PHTF2: variants seen among roughly 807,000 people sequenced by gnomAD.
PHTF2 encodes the protein putative homeodomain transcription factor 2.
A neutral mutation model predicts 101.2 loss-of-function variants in PHTF2; 60 were observed. The observed-to-expected ratio is 0.59, with a 90% CI of 0.48 to 0.73. The LOEUF (loss-of-function observed/expected upper bound fraction) is 0.73. Ranked by LOEUF, PHTF2 falls within the 30% of genes least tolerant of loss-of-function variation. The pLI is 0.00. For missense variants in PHTF2, 747 were observed against 908.7 expected, an observed-to-expected ratio of 0.82 and a Z score of 2.29; for synonymous variants, 311 against 307.3, an observed-to-expected ratio of 1.01 and a Z score of -0.13.
At chr7:77,935,136 C>G (rs1047744124) in intron 12 of PHTF2, among the ~76,000 whole-genome samples, 1 of 137,152 alleles carries the variant, frequency 7.3e-6, no homozygotes, top group Non-Finnish European at 1.6e-5. Context: ...CCCCCACACA[C>G]ACACACAGAG....
intron 3 of PHTF2, among the ~76,000 whole-genome samples, chr7:77,865,236 T>TAA (rs1330701630): frequency 6.6e-6 from 1 of 151,956 alleles, no homozygotes. Context: ...CTTTTTTCTT[T>TAA]TTTTTTTTAG....
rs58290945 is a variant in PHTF2 at position 77,925,495 on chromosome 7, G to GTTTT, written c.1119+2745_1119+2748dup. Among the ~76,000 whole-genome samples the GTTTT allele has an allele frequency of 1.2e-3, 87 of 73,168 alleles. 4 individuals are homozygous for GTTTT. The highest frequency in any genetic ancestry group is 3.5e-3 in the African/African-American group (60 of 17,302). The allele number at this position is 73,168 out of a possible 152,430, so 48.0% of individuals were successfully genotyped here. A position where few individuals can be genotyped will look rare whatever the true frequency, so the allele number is the denominator to read the frequency against. ...GCAATTATAGGCAATAGTTTTTAGGGTTTTTTTTTTTTTTTTTTTTTTTTT... is the reference window on the plus strand; with the variant it reads ...GCAATTATAGGCAATAGTTTTTAGGGTTTTTTTTTTTTTTTTTTTTTTTTTTTTT... On this transcript the variant is annotated intron_variant, in intron 11 of 19. Coordinates refer to ENST00000416283, the Ensembl canonical transcript of PHTF2.
chr7:77,844,548 C>A (rs145862101), intron 2 of PHTF2, among the ~76,000 whole-genome samples: 128 of 152,250 alleles, frequency 8.4e-4, no homozygotes, highest in Middle Eastern at 3.4e-3. Context: ...TTTGTTGAGA[C>A]AGAGTTTCAC....
Position 77,924,100 on chromosome 7 carries a change from T to C in PHTF2, c.1119+1322T>C, listed in dbSNP as rs566291009. 212 of 963,898 alleles carry C rather than the reference T, an allele frequency of 2.2e-4. No individual in the cohort carries two copies. The African/African-American group carries it at 3.4e-3, about 16-fold the overall frequency. 59.7% of individuals were successfully genotyped at this position (963,898 alleles called of 1,614,324 possible). A position where few individuals can be genotyped will look rare whatever the true frequency, so the allele number is the denominator to read the frequency against. On this transcript the variant is annotated intron_variant, in intron 11 of 19. Transcript: ENST00000416283. ...AAAGCTGCATTCAGTTCTCAAAAAT[T>C]TTTACTCTTAAACCAGCTTTAAAGG... is the stretch of plus-strand genomic sequence containing the variant.
At chr7:77,866,693 G>A (rs993334871) in intron 3 of PHTF2, among the ~76,000 whole-genome samples, 1 of 152,046 alleles carries the variant, frequency 6.6e-6, no homozygotes, top group African/African-American at 2.4e-5. Flanking sequence ...TGAATGAATA[G>A]CAATAATATG....
At chr7:77,846,450 A>G (rs1584472575) in intron 2 of PHTF2, among the ~76,000 whole-genome samples, 1 of 152,346 alleles carries the variant, frequency 6.6e-6, no homozygotes, top group East Asian at 1.9e-4. Flanking sequence ...CATATATTAA[A>G]TAACACAGTA....
intron 1 of PHTF2, among the ~76,000 whole-genome samples, chr7:77,809,891 TG>T (rs1446951015): frequency 1.4e-4 from 22 of 152,144 alleles, no homozygotes; most frequent in African/African-American, 5.1e-4. Context: ...TTGGTAAAAT[TG>T]AAGCACCGGG....
intron 2 of PHTF2, among the ~76,000 whole-genome samples, chr7:77,843,788 A>T (rs1281779810): frequency 6.6e-6 from 1 of 152,208 alleles, no homozygotes; most frequent in East Asian, 1.9e-4. Flanking sequence ...AAATGTATAC[A>T]ATATACATAT....
chr7:77,920,723 C>T (rs1316575032), intron 10 of PHTF2, among the ~76,000 whole-genome samples: 1 of 152,132 alleles, frequency 6.6e-6, no homozygotes, highest in African/African-American at 2.4e-5. Context: ...ACTCTGTTAT[C>T]CAGGCTGGAG....
intron 3 of PHTF2, among the ~76,000 whole-genome samples, chr7:77,877,697 A>G (rs1344710760): frequency 6.6e-6 from 1 of 152,182 alleles, no homozygotes; most frequent in Non-Finnish European, 1.5e-5. Flanking sequence ...TTCTGCTTCT[A>G]CTTTTCACCA....
At position 77,943,915 on chromosome 7, in the gene PHTF2, G is replaced by A. The variant is rs531844166; in HGVS notation, c.1959+1129G>A. 3.3e-5 allele frequency among the ~76,000 whole-genome samples: 5 copies of A among 152,148 alleles called. No homozygotes were observed. The East Asian group carries it at 9.7e-4, about 29-fold the overall frequency. ...CGCCTGTAATCCCAGCTATTCAGGA[G>A]GCTGAGGCATGAGAATTGCTTGAAC... is the stretch of plus-strand genomic sequence containing the variant. On this transcript the variant is annotated intron_variant, in intron 16 of 19. Transcript: ENST00000416283.
chr7:77,938,019 C>A, intron 13 of PHTF2, 181 bp downstream of exon 12: 1 of 266,430 alleles, frequency 3.8e-6, no homozygotes, highest in Non-Finnish European at 7.1e-6. Context: ...CCAAACCACT[C>A]TCATCTTCTA....
At chr7:77,907,278 CTTACAG>C (rs1480210143) in intron 7 of PHTF2, among the ~76,000 whole-genome samples, 2 of 151,840 alleles carry the variant, frequency 1.3e-5, no homozygotes, top group Admixed American at 1.3e-4. Context: ...TTTCTTATTA[CTTACAG>C]TTACATACAG....
At chr7:77,850,390 C>CGATGG (rs1370852986) in intron 2 of PHTF2, among the ~76,000 whole-genome samples, 9 of 103,808 alleles carry the variant, frequency 8.7e-5, no homozygotes, top group Admixed American at 3.0e-4. Flanking sequence ...AAAAAAGGCA[C>CGATGG]GATGGCTCAC....
intron 9 of PHTF2, among the ~76,000 whole-genome samples, chr7:77,918,649 T>C (rs780605020): frequency 1.3e-5 from 2 of 152,208 alleles, no homozygotes; most frequent in Admixed American, 6.5e-5. Flanking sequence ...TTTCTATCAC[T>C]TTCTTTCCCA....
chr7:77,824,188 A>G (rs1481065335), intron 1 of PHTF2, among the ~76,000 whole-genome samples: 1 of 151,776 alleles, frequency 6.6e-6, no homozygotes, highest in Admixed American at 6.6e-5. Context: ...GAAAGATTCT[A>G]GGGTTCTTTG....
chr7:77,848,206 A>G (rs1433693624), intron 2 of PHTF2, among the ~76,000 whole-genome samples: 1 of 151,988 alleles, frequency 6.6e-6, no homozygotes, highest in Non-Finnish European at 1.5e-5. Context: ...CTAATTTCCT[A>G]TTTTGGGGTA....
intron 2 of PHTF2, among the ~76,000 whole-genome samples, chr7:77,849,053 C>T (rs886969569): frequency 3.9e-5 from 6 of 152,010 alleles, no homozygotes; most frequent in African/African-American, 1.2e-4. Flanking sequence ...GGATTTGTTT[C>T]TGGGCTTCTA....
chr7:77,912,522 G>A (rs1219146824), intron 9 of PHTF2, among the ~76,000 whole-genome samples: 1 of 152,006 alleles, frequency 6.6e-6, no homozygotes, highest in Non-Finnish European at 1.5e-5. Flanking sequence ...AAATTGAAAA[G>A]CTGGATACTT....
Sources: allele counts gnomAD v4.1 joint callset (sites outside exome capture counted in the v4.1 genomes callset), GRCh38; gene constraint gnomAD v4.1.1; transcripts MANE v1.5; gene names NCBI Gene and HGNC (gene_info 2026-07-23, HGNC 2026-07-21).